The following RBM47 variants were observed in gnomAD, a reference collection of about 807,000 sequenced individuals.
RBM47 encodes the protein RNA-binding protein 47.
Under a neutral mutation model 47.1 loss-of-function variants are expected in RBM47, and 21 were observed. That is an observed-to-expected ratio of 0.45 (90% CI 0.32 to 0.64). RBM47 has a LOEUF of 0.64. Among genes scored for constraint, RBM47 ranks in the 30% least tolerant of loss-of-function variants. The probability of loss-of-function intolerance (pLI) is 0.05; values close to 1 mark genes in which losing one functional copy is unlikely to be tolerated. For synonymous variants in RBM47, 375 were observed against 361.7 expected, an observed-to-expected ratio of 1.04 and a Z score of -0.42; for missense variants, 708 against 870.9, an observed-to-expected ratio of 0.81 and a Z score of 2.35.
At chr4:40,603,767 A>G (rs1372175439) in intron 1 of RBM47, among the ~76,000 whole-genome samples, 1 of 151,854 alleles carries the variant, frequency 6.6e-6, no homozygotes, top group Non-Finnish European at 1.5e-5. Context: ...ACACCCAGCT[A>G]ATTTTTGTAT....
At chr4:40,470,426 G>A (rs1205468683) in intron 2 of RBM47, among the ~76,000 whole-genome samples, 1 of 152,146 alleles carries the variant, frequency 6.6e-6, no homozygotes, top group Non-Finnish European at 1.5e-5. Flanking sequence ...GGGGACTTGA[G>A]GGCAAGCATT....
chr4:40,564,002 G>A (rs562011506), intron 1 of RBM47, among the ~76,000 whole-genome samples: 1 of 152,156 alleles, frequency 6.6e-6, no homozygotes, highest in African/African-American at 2.4e-5. Context: ...TTGAGCCCAG[G>A]AGTTCAAGAC....
Position 40,437,983 on chromosome 4 carries a change from G to A in RBM47, c.911C>T (p.Thr304Ile). The change falls in exon 4 of 7, where the codon ACT (threonine) becomes ATT (isoleucine). Residue 304 changes from threonine (T) to isoleucine (I), a missense_variant. Coordinates refer to ENST00000295971, the MANE Select transcript of RBM47 (RefSeq NM_001098634.2). ...CTCCAGGCACGAGCCCTCCAGCTCA[G>A]TGCCGTTGAGGTTGTTCATGGCATG... ...AVHAMNNLNG[T>I]ELEGSCLEVT... is the part of the protein sequence containing the mutation. 1 of 1,613,492 alleles carries A rather than the reference G, an allele frequency of 6.2e-7. No homozygotes were observed. The highest frequency in any genetic ancestry group is 8.5e-7 in the Non-Finnish European group (1 of 1,180,016).
At chr4:40,589,931 G>T (rs1047313439) in intron 1 of RBM47, among the ~76,000 whole-genome samples, 1 of 151,932 alleles carries the variant, frequency 6.6e-6, no homozygotes, top group Admixed American at 6.6e-5. Flanking sequence ...TTCTACTTTT[G>T]ATAGAATCCT....
chr4:40,444,305 T>A (rs1351208095), intron 3 of RBM47, among the ~76,000 whole-genome samples: 1 of 152,212 alleles, frequency 6.6e-6, no homozygotes, highest in Non-Finnish European at 1.5e-5. Flanking sequence ...ATGAAATGCT[T>A]AACTTATTGT....
chr4:40,610,662 G>A (rs1218236329), intron 1 of RBM47, among the ~76,000 whole-genome samples: 1 of 150,794 alleles, frequency 6.6e-6, no homozygotes, highest in Admixed American at 6.6e-5. Flanking sequence ...CACATGCTAT[G>A]TGACATGGTT....
chr4:40,573,835 G>GAAAGAA (rs1553903569), intron 1 of RBM47, among the ~76,000 whole-genome samples: 2 of 68,900 alleles, frequency 2.9e-5, no homozygotes, highest in Admixed American at 1.4e-4. Flanking sequence ...AAGAAAGAAA[G>GAAAGAA]AGAAAGAAAG....
intron 1 of RBM47, among the ~76,000 whole-genome samples, chr4:40,582,583 A>C (rs1057302616): frequency 2.6e-5 from 4 of 152,082 alleles, no homozygotes; most frequent in African/African-American, 9.7e-5. Flanking sequence ...TGATGACATC[A>C]CTCACTACCA....
chr4:40,438,877 G>A lies in RBM47; in HGVS notation c.17C>T (p.Ser6Phe). MTAED[S>F]TAAMSSDSAA... ...CGAGTCACTGCTCATGGCTGCGGTG[G>A]AATCCTCTGCGGTCATAATGTCAAA... is the stretch of plus-strand genomic sequence containing the variant. Residue 6 changes from serine to phenylalanine, a missense_variant, in exon 4 of 7, where the codon TCC becomes TTC. Ser to Phe is a radical substitution (Grantham distance 155). Coordinates refer to ENST00000295971, the MANE Select transcript of RBM47 (RefSeq NM_001098634.2). 6.4e-7 allele frequency: 1 copy of A among 1,557,452 alleles called. No homozygotes were observed. Among genetic ancestry groups the A allele is most frequent in the African/African-American group, 1.3e-5 (1 of 74,398 alleles).
intron 1 of RBM47, among the ~76,000 whole-genome samples, chr4:40,619,568 C>A (rs1292656377): frequency 6.6e-6 from 1 of 152,184 alleles, no homozygotes; most frequent in Non-Finnish European, 1.5e-5. Flanking sequence ...GGGCACTTTG[C>A]ACTGTTGCAA....
chr4:40,535,824 C>G (rs1727920523), intron 2 of RBM47, among the ~76,000 whole-genome samples: 1 of 152,120 alleles, frequency 6.6e-6, no homozygotes, highest in African/African-American at 2.4e-5. Flanking sequence ...TCTCAAAGTG[C>G]TGGGATTACA....
At chr4:40,450,499 G>A (rs1715243524) in intron 3 of RBM47, among the ~76,000 whole-genome samples, 1 of 152,062 alleles carries the variant, frequency 6.6e-6, no homozygotes, top group South Asian at 2.1e-4. Context: ...CTATTTGGGA[G>A]GCTGAGGCAG....
chr4:40,534,245 C>A (rs1049163741), intron 2 of RBM47, among the ~76,000 whole-genome samples: 1 of 151,898 alleles, frequency 6.6e-6, no homozygotes, highest in Non-Finnish European at 1.5e-5. Flanking sequence ...GGATTACAGG[C>A]CTGAGCCACC....
At chr4:40,521,474 T>C (rs1023107962) in intron 2 of RBM47, among the ~76,000 whole-genome samples, 19 of 152,244 alleles carry the variant, frequency 1.2e-4, no homozygotes, top group African/African-American at 4.6e-4. Context: ...GTGCTGGGAT[T>C]ACAGGCATGA....
chr4:40,434,703 C>CAAAAAAAAA (rs201921796), intron 5 of RBM47, among the ~76,000 whole-genome samples: 7 of 103,730 alleles, frequency 6.7e-5, no homozygotes, highest in African/African-American at 2.6e-4. Context: ...TTTACACAGG[C>CAAAAAAAAA]AAAAAAAAAA....
chr4:40,616,127 C>T (rs1445878869), intron 1 of RBM47, among the ~76,000 whole-genome samples: 2 of 151,980 alleles, frequency 1.3e-5, no homozygotes, highest in Non-Finnish European at 2.9e-5. Flanking sequence ...CCGAGGCGGG[C>T]GGATCACGAG....
intron 2 of RBM47, among the ~76,000 whole-genome samples, chr4:40,483,966 T>C (rs932157058): frequency 1.3e-5 from 2 of 152,210 alleles, no homozygotes; most frequent in Admixed American, 6.5e-5. Flanking sequence ...AAGATATTTA[T>C]CTCAGAATTC....
At chr4:40,434,751 A>G (rs1456912619) in intron 5 of RBM47, among the ~76,000 whole-genome samples, 1 of 151,802 alleles carries the variant, frequency 6.6e-6, no homozygotes, top group Non-Finnish European at 1.5e-5. Flanking sequence ...TCATCAAAAG[A>G]AAGTTCAATT....
rs554801720 is a variant in RBM47, at chr4:40,423,529, A to T, written c.*2375T>A. 3.5e-4 allele frequency: 53 copies of T among 152,258 alleles called. No homozygotes were observed. Among genetic ancestry groups the T allele is most frequent in the African/African-American group, 1.2e-3 (51 of 41,566 alleles). The allele number at this position is 152,258 out of a possible 1,614,324, so 9.4% of individuals were successfully genotyped here. On this transcript the variant is annotated 3_prime_UTR_variant, in exon 7 of 7. Transcript: ENST00000295971. Reference sequence around the variant, plus strand: ...AGTGTACATGAAATGGTTTTGAAACAATAGGAACAGATAAGTCCCAGATAG... The same window carrying T: ...AGTGTACATGAAATGGTTTTGAAACTATAGGAACAGATAAGTCCCAGATAG...
Sources: allele counts gnomAD v4.1 joint callset (sites outside exome capture counted in the v4.1 genomes callset), GRCh38; gene constraint gnomAD v4.1.1; transcripts MANE v1.5; gene names NCBI Gene and HGNC (gene_info 2026-07-23, HGNC 2026-07-21).